The following PDE11A variants were observed in gnomAD, a reference collection of about 807,000 sequenced individuals.
PDE11A encodes dual 3',5'-cyclic-AMP and -GMP phosphodiesterase 11A.
Under a neutral mutation model 100.5 loss-of-function variants are expected in PDE11A, and 100 were observed. That is an observed-to-expected ratio of 1.00 (90% CI 0.85 to 1.18). The LOEUF (loss-of-function observed/expected upper bound fraction) is 1.18. Among genes scored for constraint, PDE11A ranks in the 50% most tolerant of loss-of-function variants. The pLI, the probability that PDE11A is intolerant of heterozygous loss-of-function variation, is 0.00. For missense variants in PDE11A, 1,141 were observed against 1,152.6 expected (o/e 0.99, Z 0.15); for synonymous variants, 381 against 420.8 (o/e 0.91, Z 1.16).
chr2:177,866,287 A>G (rs982306519), intron 5 of PDE11A, among the ~76,000 whole-genome samples: 1 of 152,164 alleles, frequency 6.6e-6, no homozygotes, highest in African/African-American at 2.4e-5. Flanking sequence ...ACTGAGCGTG[A>G]TGAGGGCAGG....
intron 4 of PDE11A, among the ~76,000 whole-genome samples, chr2:177,884,652 A>G (rs2084398122): frequency 6.6e-6 from 1 of 152,212 alleles, no homozygotes; most frequent in Non-Finnish European, 1.5e-5. Flanking sequence ...GAGCATTATT[A>G]TACAAGCAAT....
At chr2:177,993,310 G>C (rs888660183) in intron 2 of PDE11A, among the ~76,000 whole-genome samples, 1 of 152,038 alleles carries the variant, frequency 6.6e-6, no homozygotes. Flanking sequence ...GTGCAACCTG[G>C]AGCAAATAAT....
chr2:178,071,826 G>T lies in PDE11A; in HGVS notation c.612C>A (p.Phe204Leu). 6.2e-7 allele frequency: 1 copy of T among 1,614,084 alleles called. No individual in the cohort carries two copies. ...AGATATCTTTGACCAATTCCAGAAA[G>T]AACTGACGCTCATTATGCTTTTTCA... ...CHLKKHNERQ[F>L]FLELVKDISN... is the part of the protein sequence containing the mutation. The change falls in exon 1 of 20, where the codon TTC becomes TTA. Residue 204 changes from phenylalanine (F) to leucine (L), a missense_variant. Coordinates refer to ENST00000286063, the MANE Select transcript of PDE11A (RefSeq NM_016953.4).
Position 177,675,470 on chromosome 2 carries a change from C to T in PDE11A, c.2472G>A (p.Trp824Ter), listed in dbSNP as rs199572049. ...ACDLGAVTKPWEISRQVAELV... is the reference protein window; with the variant it reads ...ACDLGAVTKP The stretch of plus-strand genomic sequence containing the variant: ...CACCACTTGCCTGTCTGGAGATCTC[C>T]CACGGTTTGGTCACGGCTCCAAGGT... The change falls in exon 17 of 20, where the codon TGG (tryptophan) becomes TGA (stop). Residue 824 changes from tryptophan (W) to a stop codon, truncating the protein, a stop_gained. Transcript: ENST00000286063. LOFTEE classifies it high-confidence loss of function. 37 of 1,613,260 alleles carry T rather than the reference C, an allele frequency of 2.3e-5. No homozygotes were observed. The Admixed American group carries it at 3.7e-4, about 16-fold the overall frequency.
chr2:177,659,348 G>A (rs1210269731), intron 19 of PDE11A, among the ~76,000 whole-genome samples: 3 of 151,420 alleles, frequency 2.0e-5, no homozygotes, highest in Non-Finnish European at 4.4e-5. Flanking sequence ...AGCCCTGCCT[G>A]CTTCAGAAAC....
chr2:177,676,890 CA>C (rs1376212319), intron 16 of PDE11A, among the ~76,000 whole-genome samples: 1 of 152,176 alleles, frequency 6.6e-6, no homozygotes, highest in African/African-American at 2.4e-5. Context: ...CAGAAGCACA[CA>C]GAGATTAAGT....
intron 16 of PDE11A, chr2:177,677,789 T>C (rs1258740732): frequency 2.0e-5 from 3 of 152,306 alleles, no homozygotes; most frequent in East Asian, 1.9e-4. Flanking sequence ...AAAGATCTTT[T>C]TGAGAGTAAA....
chr2:177,711,807 G>A lies in PDE11A; in HGVS notation c.2115C>T (p.Asp705=), dbSNP rs532206264. 7 of 1,610,002 alleles carry A rather than the reference G, an allele frequency of 4.3e-6. No homozygotes were observed. The highest frequency in any genetic ancestry group is 4.5e-5 in the East Asian group (2 of 44,836). Reference sequence around the variant, plus strand: ...CATTGTTGGTTCCCCTGTGGTCGAGGTCATGACACAGGCATCCCACAATCA... The same window carrying A: ...CATTGTTGGTTCCCCTGTGGTCGAGATCATGACACAGGCATCCCACAATCA... ...LAVIVGCLCH[D]LDHRGTNNAF... Residue 705 remains aspartate, a synonymous_variant, in exon 13 of 20, where the codon GAC becomes GAT. Transcript: ENST00000286063.
Position 177,625,846 on chromosome 2 carries a change from C to T in PDE11A, c.*3561G>A, listed in dbSNP as rs897659965. 2 of 152,624 alleles carry T rather than the reference C, an allele frequency of 1.3e-5. No homozygotes were observed. The highest frequency in any genetic ancestry group is 2.9e-5 in the Non-Finnish European group (2 of 68,044). The allele number at this position is 152,624 out of a possible 1,614,324, so 9.5% of individuals were successfully genotyped here. A position where few individuals can be genotyped will look rare whatever the true frequency, so the allele number is the denominator to read the frequency against. On this transcript the variant is annotated 3_prime_UTR_variant, in exon 20 of 20. Transcript: ENST00000286063. ...AAACCCGCAAGAGTTCAACCTCTAA[C>T]CTCTGGGGTTGTTGGCACCAGGAAG... is the stretch of plus-strand genomic sequence containing the variant.
At chr2:177,680,974 C>T (rs1276431081) in intron 15 of PDE11A, 71 bp from the exon 16 acceptor site, 1 of 807,282 alleles carries the variant, frequency 1.2e-6, no homozygotes, top group Non-Finnish European at 2.1e-6. Context: ...TGTGGGGTGA[C>T]ATAAACACAT....
At chr2:177,955,714 A>G (rs1039469920) in intron 2 of PDE11A, among the ~76,000 whole-genome samples, 1 of 152,218 alleles carries the variant, frequency 6.6e-6, no homozygotes, top group African/African-American at 2.4e-5. Context: ...AAACAGAGAT[A>G]TAGACCAATG....
intron 19 of PDE11A, among the ~76,000 whole-genome samples, chr2:177,661,668 T>C (rs1017780076): frequency 6.6e-6 from 1 of 152,198 alleles, no homozygotes; most frequent in African/African-American, 2.4e-5. Flanking sequence ...AATGAAATAA[T>C]GAGATCTTTT....
At chr2:177,907,908 TGTGA>T (rs2084815888) in intron 2 of PDE11A, among the ~76,000 whole-genome samples, 1 of 152,226 alleles carries the variant, frequency 6.6e-6, no homozygotes, top group Admixed American at 6.5e-5. Context: ...TTGCTATTGT[TGTGA>T]GTAATAAACT....
intron 12 of PDE11A, among the ~76,000 whole-genome samples, chr2:177,721,751 C>T (rs1427012298): frequency 1.3e-5 from 2 of 152,072 alleles, no homozygotes; most frequent in African/African-American, 2.4e-5. Context: ...GAAAATGAAG[C>T]AGATCACTTG....
At chr2:177,651,984 C>T (rs1268230809) in intron 19 of PDE11A, among the ~76,000 whole-genome samples, 2 of 152,192 alleles carry the variant, frequency 1.3e-5, no homozygotes. Context: ...TTCAGGGCAT[C>T]CTGAAAGCAT....
chr2:177,679,713 G>C (rs559713522), intron 16 of PDE11A, among the ~76,000 whole-genome samples: 2 of 152,116 alleles, frequency 1.3e-5, no homozygotes, highest in Non-Finnish European at 2.9e-5. Flanking sequence ...AGCCTGTAGG[G>C]ATGACTTTTT....
intron 1 of PDE11A, among the ~76,000 whole-genome samples, chr2:178,044,110 C>T (rs1163658495): frequency 6.6e-6 from 1 of 151,966 alleles, no homozygotes; most frequent in African/African-American, 2.4e-5. Flanking sequence ...TTATTTTTTC[C>T]AGTCTATGAT....
intron 9 of PDE11A, among the ~76,000 whole-genome samples, chr2:177,788,493 G>C (rs1258672147): frequency 6.6e-6 from 1 of 151,534 alleles, no homozygotes; most frequent in Non-Finnish European, 1.5e-5. Flanking sequence ...AAAAGCAAGA[G>C]CAAACACATT....
At chr2:177,756,078 G>A (rs2082086901) in intron 10 of PDE11A, among the ~76,000 whole-genome samples, 1 of 152,184 alleles carries the variant, frequency 6.6e-6, no homozygotes, top group South Asian at 2.1e-4. Context: ...TTACATCTGG[G>A]ACCTTGGGGC....
Sources: gnomAD v4.1 joint callset for allele counts (sites outside exome capture counted in the v4.1 genomes callset) on GRCh38, gnomAD v4.1.1 for gene constraint, MANE v1.5 for transcripts, NCBI Gene and HGNC (gene_info 2026-07-23, HGNC 2026-07-21) for gene names.